Variants in CUX1 observed in about 807,000 individuals in gnomAD.
CUX1 encodes the protein cut like homeobox 1.
A neutral mutation model predicts 158.8 loss-of-function variants in CUX1; 31 were observed. That is an observed-to-expected ratio of 0.20 (90% CI 0.15 to 0.26). CUX1 has a LOEUF of 0.26. Ranked by LOEUF, CUX1 falls within the 10% of genes least tolerant of loss-of-function variation. CUX1 has a pLI of 1.00. For synonymous variants in CUX1, 879 were observed against 862.1 expected (o/e 1.02, Z -0.34); for missense variants, 1,589 against 2,014.6 (o/e 0.79, Z 4.04).
chr7:101,987,678 G>A (rs527618576), intron 2 of CUX1, among the ~76,000 whole-genome samples: 2 of 152,254 alleles, frequency 1.3e-5, no homozygotes, highest in South Asian at 2.1e-4. Flanking sequence ...CGGCCGCTGC[G>A]GTGTCCTGGC....
intron 5 of CUX1, among the ~76,000 whole-genome samples, chr7:102,101,277 T>A (rs1400031723): frequency 6.6e-6 from 1 of 152,152 alleles, no homozygotes; most frequent in African/African-American, 2.4e-5. Context: ...CCCGCAATGA[T>A]GAGTAAATGG....
At chr7:102,258,739 G>A (rs115640115), downstream of CUX1, among the ~76,000 whole-genome samples, 684 of 152,308 alleles carry the variant, frequency 4.5e-3, 7 homozygotes, top group African/African-American at 0.016. Flanking sequence ...GGTCAGTGGC[G>A]TGGCCTCAGC....
At chr7:101,981,202 C>T (rs1037572510) in intron 2 of CUX1, among the ~76,000 whole-genome samples, 3 of 152,080 alleles carry the variant, frequency 2.0e-5, no homozygotes, top group Admixed American at 6.5e-5. Context: ...CCCCTCCTCC[C>T]CCAACCTATA....
rs1554459461 is a variant in CUX1, at chr7:102,030,689, G to GTGTTTTTTTTTTTTTGTTTTGTTTTT, written c.189+2558_189+2559insTGTTTTGTTTTTTGTTTTTTTTTTTT. ...TCTATCTAATTTTCTATTTTAAAAA[G>GTGTTTTTTTTTTTTTGTTTTGTTTTT]TGTTTTTTTTTTTTGAGACAGGGTC... On this transcript the variant is annotated intron_variant, in intron 3 of 23. Transcript: ENST00000292535. Among the ~76,000 whole-genome samples the GTGTTTTTTTTTTTTTGTTTTGTTTTT allele has an allele frequency of 3.6e-5, 3 of 82,540 alleles. 1 individual carries two copies. The highest frequency in any genetic ancestry group is 1.1e-4 in the African/African-American group (2 of 18,748). The allele number at this position is 82,540 out of a possible 152,430, so 54.1% of individuals were successfully genotyped here.
chr7:102,081,266 T>TATATATTGTCTTCAAG (rs1554478666), intron 4 of CUX1, among the ~76,000 whole-genome samples: 2 of 148,496 alleles, frequency 1.3e-5, no homozygotes, highest in Admixed American at 6.7e-5. Context: ...TCCCCCCACG[T>TATATATTGTCTTCAAG]GCTCCCAAGA....
At chr7:102,117,686 G>A (rs1318009135) in intron 8 of CUX1, among the ~76,000 whole-genome samples, 2 of 152,168 alleles carry the variant, frequency 1.3e-5, no homozygotes, top group Non-Finnish European at 2.9e-5. Flanking sequence ...GGGAGCGCAG[G>A]GAAAGAATTG....
At chr7:101,850,384 C>T (rs1402706974) in intron 1 of CUX1, among the ~76,000 whole-genome samples, 1 of 151,340 alleles carries the variant, frequency 6.6e-6, no homozygotes. Flanking sequence ...TTCCTACACC[C>T]AAGAGCAGCC....
intron 8 of CUX1, among the ~76,000 whole-genome samples, chr7:102,116,672 T>C (rs1831470518): frequency 6.6e-6 from 1 of 152,044 alleles, no homozygotes; most frequent in Admixed American, 6.6e-5. Flanking sequence ...ATTGTTTTAG[T>C]TTTAAAAAAC....
At chr7:102,189,952 G>A (rs1794101960) in intron 12 of CUX1, 81 bp downstream of exon 12, 3 of 1,488,926 alleles carry the variant, frequency 2.0e-6, no homozygotes, top group Non-Finnish European at 2.8e-6. Context: ...CTGGTGGCAG[G>A]AAGCCTTGGC....
intron 2 of CUX1, among the ~76,000 whole-genome samples, chr7:102,013,125 C>CAAAAAAAAA (rs35020263): frequency 2.7e-5 from 3 of 112,596 alleles, no homozygotes; most frequent in Non-Finnish European, 1.9e-5. Context: ...GCCGTCATAC[C>CAAAAAAAAA]AAAAAAAAAA....
In CUX1 at chr7:102,201,233, G is replaced by A. The variant is rs1795399453; in HGVS notation, c.2063-127G>A. 5.1e-6 allele frequency: 7 copies of A among 1,367,900 alleles called. No individual in the cohort carries two copies. The Admixed American group carries it at 6.4e-5, about 12-fold the overall frequency. The allele number at this position is 1,367,900 out of a possible 1,614,324, so 84.7% of individuals were successfully genotyped here. Reference sequence around the variant, plus strand: ...ATGTTTCACTGACAGGGGCCATGCTGGGGAAATACACAGTGTGGTTCTCCC... The same window carrying A: ...ATGTTTCACTGACAGGGGCCATGCTAGGGAAATACACAGTGTGGTTCTCCC... On this transcript the variant is annotated intron_variant, in intron 17 of 23. Coordinates refer to ENST00000292535, the MANE Select transcript of CUX1 (RefSeq NM_181552.4). This position sits in a 1 kb window ranked among gnomAD's most constrained non-coding sequence, Gnocchi z 5.0.
chr7:101,984,127 T>TAC (rs1813932662), intron 2 of CUX1, among the ~76,000 whole-genome samples: 4 of 28,554 alleles, frequency 1.4e-4, no homozygotes, highest in African/African-American at 4.8e-4. Flanking sequence ...TATATATATA[T>TAC]ATACACACAC....
At chr7:101,834,940 G>A (rs775175281) in intron 1 of CUX1, among the ~76,000 whole-genome samples, 2 of 152,048 alleles carry the variant, frequency 1.3e-5, no homozygotes, top group Admixed American at 6.5e-5. Flanking sequence ...AGGTTGCGGT[G>A]AGCCAAGATC....
chr7:102,134,461 C>T (rs1232150927), intron 8 of CUX1, among the ~76,000 whole-genome samples: 1 of 152,130 alleles, frequency 6.6e-6, no homozygotes, highest in Non-Finnish European at 1.5e-5. Flanking sequence ...TAAAACATTC[C>T]AAATAGATGC....
chr7:102,052,552 A>T (rs1326892310), intron 3 of CUX1, among the ~76,000 whole-genome samples: 1 of 152,002 alleles, frequency 6.6e-6, no homozygotes, highest in African/African-American at 2.4e-5. Flanking sequence ...GGCCATTTGG[A>T]GTTTTGTTTC....
chr7:102,272,256 C>G (rs1791269715), intron 14 of CUX1, among the ~76,000 whole-genome samples: 1 of 152,202 alleles, frequency 6.6e-6, no homozygotes, highest in African/African-American at 2.4e-5. Context: ...CATCCTGGCC[C>G]AGGACACTAA....
chr7:101,924,145 C>T (rs961840588), intron 2 of CUX1, among the ~76,000 whole-genome samples: 1 of 151,884 alleles, frequency 6.6e-6, no homozygotes, highest in Non-Finnish European at 1.5e-5. Flanking sequence ...GCACCTGATG[C>T]TATCTCTGCC....
chr7:101,943,957 T>C (rs1424545728), intron 2 of CUX1, among the ~76,000 whole-genome samples: 1 of 69,528 alleles, frequency 1.4e-5, no homozygotes, highest in Non-Finnish European at 3.1e-5. Flanking sequence ...CGTCTCTATT[T>C]AAAAATTAAA....
rs1285309870 is a variant in CUX1 at position 102,196,869 on chromosome 7, G to T, written c.1458G>T (p.Arg486=). The change falls in exon 15 of 24, where the codon CGG becomes CGT. Residue 486 remains arginine (R), a synonymous_variant. Transcript: ENST00000292535. ...TTGCACTAAACTCTCTTCTCCAGCG[G>T]CAGCTAATGCAGTCCTTCTACTCCA... is the stretch of plus-strand genomic sequence containing the variant. The part of the protein sequence containing the change: ...GKFALNSLLQ[R]QLMQSFYSKA... 6.2e-7 allele frequency: 1 copy of T among 1,614,016 alleles called. No individual in the cohort carries two copies. The highest frequency in any genetic ancestry group is 8.5e-7 in the Non-Finnish European group (1 of 1,180,046).
Sources: gnomAD v4.1 joint callset for allele counts (sites outside exome capture counted in the v4.1 genomes callset) on GRCh38, gnomAD v4.1.1 for gene constraint, Gnocchi (gnomAD v3.1) non-coding constraint, MANE v1.5 for transcripts, NCBI Gene and HGNC (gene_info 2026-07-23, HGNC 2026-07-21) for gene names.